The following WWOX variants were observed in gnomAD, a reference collection of about 807,000 sequenced individuals.
The protein encoded by WWOX is WW domain-containing oxidoreductase.
WWOX carries 69 observed loss-of-function variants against 46.2 expected under a neutral mutation model. The ratio of observed to expected loss-of-function variants is 1.49; its 90% confidence interval spans 1.23 to 1.82. WWOX has a LOEUF of 1.82. WWOX is among the 40% of genes most tolerant of loss of function. The pLI is 0.00. For synonymous variants in WWOX, 359 were observed against 202.6 expected (o/e 1.77, Z -6.56); for missense variants, 919 against 542.6 (o/e 1.69, Z -6.89).
intron 8 of WWOX, among the ~76,000 whole-genome samples, chr16:78,656,487 G>T (rs1263059343): frequency 2.0e-5 from 3 of 152,178 alleles, no homozygotes; most frequent in Admixed American, 1.3e-4. Context: ...AAGATGAAAG[G>T]GAAGCAGGCA....
intron 8 of WWOX, among the ~76,000 whole-genome samples, chr16:78,617,256 G>A (rs1042039317): frequency 4.6e-5 from 7 of 152,026 alleles, no homozygotes; most frequent in African/African-American, 1.7e-4. Context: ...GAAAATATTA[G>A]GTGGGCGTGG....
intron 8 of WWOX, among the ~76,000 whole-genome samples, chr16:79,066,307 G>C (rs927589640): frequency 6.6e-6 from 1 of 152,156 alleles, no homozygotes; most frequent in African/African-American, 2.4e-5. Flanking sequence ...ACTGAGCACA[G>C]GCAGTACCTG....
At chr16:78,971,397 G>T (rs919911623) in intron 8 of WWOX, among the ~76,000 whole-genome samples, 6 of 145,670 alleles carry the variant, frequency 4.1e-5, no homozygotes, top group South Asian at 2.2e-4. Context: ...GGAGGTTGCA[G>T]TGAGCCAAGG....
chr16:78,868,849 C>G lies in WWOX; in HGVS notation c.1057-342759C>G, dbSNP rs538379882. 1.4e-4 allele frequency among the ~76,000 whole-genome samples: 21 copies of G among 152,304 alleles called. No individual in the cohort carries two copies. The South Asian group carries it at 3.3e-3, about 24-fold the overall frequency. ...GCAGCTCTTCTAGTCCTTATGCTAT[C>G]TCATTGTCTCATGGATTTTTAATAT... On this transcript the variant is annotated intron_variant, in intron 8 of 8. Coordinates refer to ENST00000566780, the MANE Select transcript of WWOX (RefSeq NM_016373.4).
At chr16:78,133,750 T>C (rs76232725) in intron 4 of WWOX, among the ~76,000 whole-genome samples, 3,092 of 152,260 alleles carry the variant, frequency 0.02, 118 homozygotes, top group African/African-American at 0.071. Context: ...TTTCAATGAA[T>C]AGAAAAATCA....
chr16:78,873,540 A>G (rs966046917), intron 8 of WWOX: 7 of 152,184 alleles, frequency 4.6e-5, no homozygotes, highest in Non-Finnish European at 1.0e-4. Flanking sequence ...TAATCCCAGC[A>G]CTTTTGGAGG....
At chr16:78,594,323 A>C (rs1441607670) in intron 8 of WWOX, among the ~76,000 whole-genome samples, 1 of 149,848 alleles carries the variant, frequency 6.7e-6, no homozygotes, top group Non-Finnish European at 1.5e-5. Flanking sequence ...TTTCAGCAAT[A>C]CTCTCCAGCA....
intron 4 of WWOX, among the ~76,000 whole-genome samples, chr16:78,163,635 G>T (rs180778516): frequency 6.6e-6 from 1 of 152,170 alleles, no homozygotes; most frequent in Non-Finnish European, 1.5e-5. Context: ...ACAGATATGG[G>T]TGTGTATGCA....
rs2046920369 is a variant in WWOX at position 78,993,098 on chromosome 16, T to C, written c.1057-218510T>C. 2.0e-5 allele frequency among the ~76,000 whole-genome samples: 3 copies of C among 152,074 alleles called. No individual in the cohort carries two copies. In the South Asian group the frequency reaches 6.2e-4, roughly 32 times the overall value. On this transcript the variant is annotated intron_variant, in intron 8 of 8. Coordinates refer to ENST00000566780, the MANE Select transcript of WWOX (RefSeq NM_016373.4). ...CTTCTTTCGGGGAGGAAATTTAACT[T>C]TTGTGGAAATGTGATGTGTGTTTAA...
At chr16:78,631,637 C>G (rs1234618228) in intron 8 of WWOX, among the ~76,000 whole-genome samples, 1 of 151,302 alleles carries the variant, frequency 6.6e-6, no homozygotes, top group Non-Finnish European at 1.5e-5. Context: ...CTCCCAGGCT[C>G]AAGAGATATT....
At position 78,721,757 on chromosome 16, in the gene WWOX, T is replaced by A. The variant is rs200634208; in HGVS notation, c.1056+289005T>A. Among the ~76,000 whole-genome samples the A allele has an allele frequency of 3.3e-5, 5 of 152,202 alleles. No homozygotes were observed. The East Asian group carries it at 9.7e-4, about 29-fold the overall frequency. On this transcript the variant is annotated intron_variant, in intron 8 of 8. Transcript: ENST00000566780. ...TCTGGGAATCGAATGAGAGATTACA[T>A]ACACAGGGCCAGGTACATAGCAGGT...
intron 8 of WWOX, among the ~76,000 whole-genome samples, chr16:79,182,754 T>C (rs2050937503): frequency 6.6e-6 from 1 of 152,200 alleles, no homozygotes; most frequent in Non-Finnish European, 1.5e-5. Context: ...AGTTTTGTTA[T>C]GAGGAGTAAA....
chr16:78,579,786 A>G (rs2045002012), intron 8 of WWOX, among the ~76,000 whole-genome samples: 1 of 152,194 alleles, frequency 6.6e-6, no homozygotes, highest in Non-Finnish European at 1.5e-5. Flanking sequence ...AGGAGATAAT[A>G]TCTTTAAATC....
chr16:78,252,686 G>A (rs185981082), intron 5 of WWOX, among the ~76,000 whole-genome samples: 3 of 152,228 alleles, frequency 2.0e-5, no homozygotes, highest in African/African-American at 4.8e-5. Flanking sequence ...AGACGTAGAC[G>A]AGCTTTTATT....
At chr16:78,534,568 C>G (rs116779270) in intron 8 of WWOX, 4 of 152,300 alleles carry the variant, frequency 2.6e-5, no homozygotes. Context: ...GACAAACATT[C>G]TGGAAATCTT....
intron 8 of WWOX, among the ~76,000 whole-genome samples, chr16:78,963,209 C>T (rs913018823): frequency 2.6e-5 from 4 of 152,136 alleles, no homozygotes; most frequent in Admixed American, 1.3e-4. Context: ...TGGCTCACAC[C>T]TGTAATACCA....
chr16:78,816,984 G>A (rs1253034830), intron 8 of WWOX, among the ~76,000 whole-genome samples: 1 of 151,980 alleles, frequency 6.6e-6, no homozygotes, highest in Non-Finnish European at 1.5e-5. Context: ...CTGAGCTATT[G>A]CCCAAACCAG....
intron 8 of WWOX, among the ~76,000 whole-genome samples, chr16:79,017,623 A>G (rs778537170): frequency 7.9e-5 from 12 of 152,020 alleles, no homozygotes; most frequent in Non-Finnish European, 1.8e-4. Context: ...TCATAAATTA[A>G]TGTGCATGGC....
intron 4 of WWOX, among the ~76,000 whole-genome samples, chr16:78,154,302 G>T (rs893606865): frequency 7.2e-5 from 11 of 152,202 alleles, no homozygotes; most frequent in African/African-American, 2.6e-4. Context: ...TGTGACCACT[G>T]GAGGTACTGT....
Sources: allele counts gnomAD v4.1 joint callset (sites outside exome capture counted in the v4.1 genomes callset), GRCh38; gene constraint gnomAD v4.1.1; transcripts MANE v1.5; gene names NCBI Gene and HGNC (gene_info 2026-07-23, HGNC 2026-07-21).